CSMD2: variants seen among roughly 807,000 people sequenced by gnomAD.
CSMD2 encodes CUB and sushi domain-containing protein 2.
A neutral mutation model predicts 398.5 loss-of-function variants in CSMD2; 130 were observed. The ratio of observed to expected loss-of-function variants is 0.33; its 90% CI spans 0.28 to 0.38. CSMD2 has a LOEUF of 0.38. Ranked by LOEUF, CSMD2 falls within the 10% of genes least tolerant of loss-of-function variation. The probability of loss-of-function intolerance (pLI) is 1.00; values close to 1 mark genes in which losing one functional copy is unlikely to be tolerated. For synonymous variants in CSMD2, 1,828 were observed against 1,908.5 expected (o/e 0.96, Z 1.10); for missense variants, 3,829 against 4,764.9 (o/e 0.80, Z 5.78).
At chr1:34,118,195 G>A (rs1159175272) in intron 1 of CSMD2, among the ~76,000 whole-genome samples, 7 of 152,092 alleles carry the variant, frequency 4.6e-5, no homozygotes, top group Admixed American at 1.3e-4. Context: ...TAGCCCAGTC[G>A]ACAGAGTGAG....
rs368570386 is a variant in CSMD2 at position 33,519,380 on chromosome 1, C to T, written c.*53+85G>A. The T allele has an allele frequency of 1.3e-5, 10 of 783,676 alleles. No individual in the cohort carries two copies. The highest frequency in any genetic ancestry group is 8.6e-5 in the African/African-American group (5 of 57,864). The allele number at this position is 783,676 out of a possible 1,614,324, so 48.5% of individuals were successfully genotyped here. A position where few individuals can be genotyped will look rare whatever the true frequency, so the allele number is the denominator to read the frequency against. On this transcript the variant is annotated intron_variant, in intron 70 of 70. Coordinates refer to ENST00000373381, the MANE Select transcript of CSMD2 (RefSeq NM_001281956.2). This position sits in a 1 kb window ranked among gnomAD's most constrained non-coding sequence, Gnocchi z 5.6. ...ACTGGGTGTGTCTATGTGGTGTGTG[C>T]GACTCCGTTGGGTGGAGCCCCTGGC...
Position 34,164,752 on chromosome 1 carries a change from G to T in CSMD2, c.187+159C>A, listed in dbSNP as rs1641712830. ...GTGGCTGAGGGTGGGGTGGGAGACG[G>T]AGGCAGGGATGAGAATGAGAGTAGG... On this transcript the variant is annotated intron_variant, in intron 1 of 70. Transcript: ENST00000373381. This position sits in a 1 kb window ranked among gnomAD's most constrained non-coding sequence, Gnocchi z 6.2. Among the ~76,000 whole-genome samples the T allele has an allele frequency of 6.6e-6, 1 of 151,582 alleles. No individual in the cohort carries two copies.
intron 10 of CSMD2, chr1:33,804,694 A>G: frequency 1.4e-6 from 1 of 716,808 alleles, no homozygotes; most frequent in East Asian, 2.7e-5. Context: ...TTGCTGAAGG[A>G]GATGTCTGAA....
Position 33,851,768 on chromosome 1 carries a change from CTTG to C in CSMD2, c.921-4775_921-4773del, listed in dbSNP as rs534172308. On this transcript the variant is annotated intron_variant, in intron 5 of 70. Coordinates refer to ENST00000373381, the MANE Select transcript of CSMD2 (RefSeq NM_001281956.2). ...TTTTCCTTTAGCTAAACTCCTAGGA[CTTG>C]CTATGTCAAGATAAATTCTTTCCCC... 3.8e-3 allele frequency among the ~76,000 whole-genome samples: 581 copies of C among 152,254 alleles called. 5 individuals carry two copies. The highest frequency in any genetic ancestry group is 0.013 in the African/African-American group (557 of 41,528).
chr1:33,733,517 G>A (rs1482915286), intron 15 of CSMD2, among the ~76,000 whole-genome samples: 1 of 152,168 alleles, frequency 6.6e-6, no homozygotes, highest in East Asian at 1.9e-4. Flanking sequence ...AGTCAATGGG[G>A]CAGTGGATGT....
intron 21 of CSMD2, among the ~76,000 whole-genome samples, chr1:33,713,475 T>C (rs187053385): frequency 1.2e-3 from 184 of 152,344 alleles, no homozygotes; most frequent in African/African-American, 4.0e-3. Flanking sequence ...GCTAGTGTTT[T>C]ATCCAGCCCT....
At chr1:33,574,932 G>A (rs1659928580) in intron 49 of CSMD2, among the ~76,000 whole-genome samples, 1 of 152,236 alleles carries the variant, frequency 6.6e-6, no homozygotes, top group South Asian at 2.1e-4. Flanking sequence ...CTTGCATGGA[G>A]AGTCAATCCA....
At chr1:33,999,750 A>G (rs935491897) in intron 3 of CSMD2, among the ~76,000 whole-genome samples, 1 of 152,222 alleles carries the variant, frequency 6.6e-6, no homozygotes, top group Non-Finnish European at 1.5e-5. Flanking sequence ...GCTTTTCCCC[A>G]GTTCTTTAAA....
chr1:33,772,413 C>T (rs1651400430), intron 13 of CSMD2, 156 bp downstream of exon 13: 8 of 621,368 alleles, frequency 1.3e-5, no homozygotes, highest in East Asian at 5.5e-5. Flanking sequence ...ATAAGGACCC[C>T]ACCAGCAACG....
At chr1:33,959,599 C>T (rs906023914) in intron 3 of CSMD2, among the ~76,000 whole-genome samples, 1 of 152,204 alleles carries the variant, frequency 6.6e-6, no homozygotes, top group African/African-American at 2.4e-5. Flanking sequence ...CACAGTTGCT[C>T]ACCCTGCCCC....
At chr1:34,025,234 T>C (rs555964949) in intron 3 of CSMD2, among the ~76,000 whole-genome samples, 1 of 151,886 alleles carries the variant, frequency 6.6e-6, no homozygotes, top group South Asian at 2.1e-4. Flanking sequence ...CGATCTTCCA[T>C]TGGTAGCAAA....
rs1229209467 is a variant in CSMD2, at chr1:33,825,736, G to A, written c.1072C>T (p.Leu358=). The change falls in exon 7 of 71, where the codon CTG becomes TTG. Residue 358 remains leucine (L), a synonymous_variant. Coordinates refer to ENST00000373381, the MANE Select transcript of CSMD2 (RefSeq NM_001281956.2). ...TGGCTGTTGTCTTTGCTGGGCATCA[G>A]CTTCACACCTCGAGACTTCAACTCA... ...QIELKSRGVK[L]MPSKDNSQKT... 1 of 1,614,064 alleles carries A rather than the reference G, an allele frequency of 6.2e-7. No individual in the cohort carries two copies. The highest frequency in any genetic ancestry group is 1.1e-5 in the South Asian group (1 of 91,064).
intron 10 of CSMD2, among the ~76,000 whole-genome samples, chr1:33,797,461 G>T (rs552611550): frequency 1.3e-5 from 2 of 152,306 alleles, no homozygotes; most frequent in African/African-American, 4.8e-5. Context: ...AATGGGACAG[G>T]CTAGGCACAG....
rs750321030 is a variant in CSMD2 at position 33,625,215 on chromosome 1, G to A, written c.5336C>T (p.Pro1779Leu). 6.8e-6 allele frequency: 11 copies of A among 1,613,482 alleles called. No individual in the cohort carries two copies. The South Asian group carries it at 7.7e-5, about 11-fold the overall frequency. ...RTSATQCSSV[P>L]EPRYGKRLGS... The stretch of plus-strand genomic sequence containing the variant: ...CAGCCTCTTGCCATAGCGGGGTTCC[G>A]GCACAGAGCTGCACTGCGTGGCGCT... Residue 1779 changes from proline (P) to leucine (L), a missense_variant, in exon 34 of 71, where the codon CCG becomes CTG. Pro to Leu is a moderately conservative substitution (Grantham distance 98). Around this residue, in one of 5 missense-constraint regions of CSMD2, gnomAD observed 2,001 missense variants for 2,567.1 expected, o/e 0.78. Transcript: ENST00000373381.
intron 29 of CSMD2, among the ~76,000 whole-genome samples, chr1:33,645,423 TTTAATC>T (rs1212177368): frequency 4.0e-5 from 6 of 151,546 alleles, no homozygotes; most frequent in Non-Finnish European, 7.4e-5. Flanking sequence ...TAAAATATCT[TTTAATC>T]TTAACCTCCT....
At chr1:33,820,887 G>A (rs1658062041) in intron 7 of CSMD2, among the ~76,000 whole-genome samples, 1 of 152,054 alleles carries the variant, frequency 6.6e-6, no homozygotes, top group African/African-American at 2.4e-5. Flanking sequence ...AGCCCCTGGT[G>A]ACCTCCCCCC....
chr1:33,527,749 T>C (rs1027271566), intron 64 of CSMD2, among the ~76,000 whole-genome samples: 2 of 152,112 alleles, frequency 1.3e-5, no homozygotes, highest in African/African-American at 4.8e-5. Flanking sequence ...AGAGGCTACA[T>C]TTCAGTAAGA....
At chr1:33,796,816 T>C (rs1655003692) in intron 10 of CSMD2, among the ~76,000 whole-genome samples, 1 of 152,208 alleles carries the variant, frequency 6.6e-6, no homozygotes. Context: ...CTAAATTCTT[T>C]TCCTAACAAG....
intron 2 of CSMD2, among the ~76,000 whole-genome samples, chr1:34,087,994 C>T (rs1225296058): frequency 6.6e-6 from 1 of 152,204 alleles, no homozygotes; most frequent in African/African-American, 2.4e-5. Flanking sequence ...CCCCCCGCCT[C>T]TGCTGCAGGC....
Sources: allele counts gnomAD v4.1 joint callset (sites outside exome capture counted in the v4.1 genomes callset), GRCh38; gene constraint gnomAD v4.1.1; regional missense constraint gnomAD v4.1.1; non-coding constraint Gnocchi (gnomAD v3.1); transcripts MANE v1.5; gene names NCBI Gene and HGNC (gene_info 2026-07-23, HGNC 2026-07-21).